NCKAP5: variants seen among roughly 807,000 people sequenced by gnomAD.
The protein encoded by NCKAP5 is nck-associated protein 5.
Under a neutral mutation model 167.0 loss-of-function variants are expected in NCKAP5, and 92 were observed. The ratio of observed to expected loss-of-function variants is 0.55; its 90% CI spans 0.47 to 0.66. The LOEUF is 0.66. NCKAP5 is among the 30% of genes least tolerant of loss of function. The pLI, the probability that NCKAP5 is intolerant of heterozygous loss-of-function variation, is 0.00. For synonymous variants in NCKAP5, 891 were observed against 877.4 expected (o/e 1.02, Z -0.27); for missense variants, 2,378 against 2,315.0 (o/e 1.03, Z -0.56).
chr2:132,770,635 C>T (rs974160722), intron 16 of NCKAP5, among the ~76,000 whole-genome samples: 4 of 152,088 alleles, frequency 2.6e-5, no homozygotes, highest in African/African-American at 9.6e-5. Context: ...TTCAAATGTA[C>T]TTCCATTGGA....
chr2:132,991,429 A>G (rs1317782874), intron 7 of NCKAP5, among the ~76,000 whole-genome samples: 3 of 152,224 alleles, frequency 2.0e-5, no homozygotes, highest in Non-Finnish European at 4.4e-5. Flanking sequence ...ACATAGTGGG[A>G]CCGTCTCAGT....
chr2:133,179,864 G>C (rs767870894), intron 5 of NCKAP5, among the ~76,000 whole-genome samples: 5 of 151,856 alleles, frequency 3.3e-5, no homozygotes, highest in Non-Finnish European at 7.4e-5. Flanking sequence ...TGAAACAGAG[G>C]GTTTCAGATT....
intron 6 of NCKAP5, among the ~76,000 whole-genome samples, chr2:133,059,177 G>A (rs1214491164): frequency 1.3e-5 from 2 of 152,058 alleles, no homozygotes; most frequent in Admixed American, 6.6e-5. Flanking sequence ...GTGGGCACCT[G>A]TAGTCCCAGC....
At chr2:133,604,028 G>A in the NCKAP5 span, among the ~76,000 whole-genome samples, 1 of 152,188 alleles carries the variant, frequency 6.6e-6, no homozygotes, top group Non-Finnish European at 1.5e-5. Flanking sequence ...AGCTATTAAA[G>A]ACCACAGGGA....
chr2:132,741,919 C>T (rs1027119447), intron 16 of NCKAP5, among the ~76,000 whole-genome samples: 3 of 152,052 alleles, frequency 2.0e-5, no homozygotes, highest in Admixed American at 6.6e-5. Context: ...TGGGCTTGTG[C>T]GTATGCAAGG....
intron 5 of NCKAP5, among the ~76,000 whole-genome samples, chr2:133,133,594 G>C (rs2082685020): frequency 6.6e-6 from 1 of 152,122 alleles, no homozygotes; most frequent in Non-Finnish European, 1.5e-5. Flanking sequence ...TTAGTAAAAA[G>C]GTAGGTTTCC....
At chr2:133,592,142 A>C in the NCKAP5 span, among the ~76,000 whole-genome samples, 1 of 152,158 alleles carries the variant, frequency 6.6e-6, no homozygotes, top group South Asian at 2.1e-4. Flanking sequence ...AGGACATACT[A>C]TCTGCGTAGA....
chr2:133,635,636 G>A, the NCKAP5 span, among the ~76,000 whole-genome samples: 2 of 152,112 alleles, frequency 1.3e-5, no homozygotes, highest in Non-Finnish European at 2.9e-5. Flanking sequence ...CCTAACTAAT[G>A]TGTCCTCGTA....
chr2:133,043,472 G>T (rs981404949), intron 6 of NCKAP5, among the ~76,000 whole-genome samples: 2 of 152,010 alleles, frequency 1.3e-5, no homozygotes, highest in Admixed American at 6.6e-5. Context: ...AAGAAAAATT[G>T]TCTTGGACCA....
intron 3 of NCKAP5, chr2:133,431,764 G>C (rs997306795): frequency 2.0e-5 from 3 of 151,976 alleles, no homozygotes; most frequent in African/African-American, 7.2e-5. Context: ...ATCAAAGATG[G>C]GCAAAGCAAT....
chr2:133,547,518 C>T (rs12475780), intron 2 of NCKAP5, among the ~76,000 whole-genome samples: 10,683 of 151,642 alleles, frequency 0.07, 385 homozygotes, highest in East Asian at 0.27. Flanking sequence ...TCCCAGCATG[C>T]AGCTGGAGAT....
Position 132,873,595 on chromosome 2 carries a change from G to A in NCKAP5, c.649-4621C>T, listed in dbSNP as rs140647476. ...TAAGATAGAAACAAGAAAGAAACTC[G>A]AAGAGGTAAATACACAGCCCCATAC... is the stretch of plus-strand genomic sequence containing the variant. On this transcript the variant is annotated intron_variant, in intron 9 of 19. Transcript: ENST00000409261. 4.7e-4 allele frequency among the ~76,000 whole-genome samples: 71 copies of A among 152,224 alleles called. 1 individual carries two copies. The highest frequency in any genetic ancestry group is 1.4e-3 in the African/African-American group (58 of 41,556).
intron 16 of NCKAP5, among the ~76,000 whole-genome samples, chr2:132,751,168 G>A (rs1680078580): frequency 6.6e-6 from 1 of 151,902 alleles, no homozygotes; most frequent in African/African-American, 2.4e-5. Flanking sequence ...GAATAGCTTG[G>A]TGCCATTCTC....
At chr2:133,304,550 C>T (rs60952328) in intron 3 of NCKAP5, among the ~76,000 whole-genome samples, 5,624 of 152,316 alleles carry the variant, frequency 0.037, 339 homozygotes, top group African/African-American at 0.13. Context: ...TACATGGTTA[C>T]GCTTTTAACT....
chr2:133,431,978 G>T (rs1190657609), intron 3 of NCKAP5, among the ~76,000 whole-genome samples: 2 of 152,076 alleles, frequency 1.3e-5, no homozygotes, highest in African/African-American at 4.8e-5. Flanking sequence ...AAATAAATTT[G>T]TTTCTCTCTG....
At chr2:133,180,357 CAG>C (rs968049043) in intron 5 of NCKAP5, among the ~76,000 whole-genome samples, 5 of 151,264 alleles carry the variant, frequency 3.3e-5, no homozygotes, top group Non-Finnish European at 5.9e-5. Context: ...TTCTTTGAAA[CAG>C]GGTCTCACTG....
chr2:132,709,160 A>G (rs1033107910), intron 19 of NCKAP5, among the ~76,000 whole-genome samples: 1 of 151,954 alleles, frequency 6.6e-6, no homozygotes, highest in African/African-American at 2.4e-5. Context: ...CCCCCACCAA[A>G]CCAAAAGCAA....
At chr2:133,550,532 T>C (rs1239431036) in intron 2 of NCKAP5, among the ~76,000 whole-genome samples, 1 of 142,690 alleles carries the variant, frequency 7.0e-6, no homozygotes, top group Admixed American at 7.0e-5. Flanking sequence ...AAAAAGCCTT[T>C]GACAAAATTC....
chr2:132,835,555 C>CT (rs535046898), intron 11 of NCKAP5, among the ~76,000 whole-genome samples: 45 of 146,522 alleles, frequency 3.1e-4, no homozygotes, highest in Non-Finnish European at 4.2e-4. Flanking sequence ...TGAATTTTTA[C>CT]TTTTTTTTTT....
Sources: gnomAD v4.1 joint callset for allele counts (sites outside exome capture counted in the v4.1 genomes callset) on GRCh38, gnomAD v4.1.1 for gene constraint, MANE v1.5 for transcripts, NCBI Gene and HGNC (gene_info 2026-07-23, HGNC 2026-07-21) for gene names.